The following SEC23A variants were observed in gnomAD, a reference collection of about 807,000 sequenced individuals.
SEC23A encodes protein transport protein Sec23A.
SEC23A carries 56 observed loss-of-function variants against 103.7 expected under a neutral mutation model. The ratio of observed to expected loss-of-function variants is 0.54; its 90% CI spans 0.44 to 0.67. The LOEUF (loss-of-function observed/expected upper bound fraction) is 0.67, where lower values mean the gene tolerates loss of function less well. SEC23A is among the 30% of genes least tolerant of loss of function. The pLI is 0.00. For missense variants in SEC23A, 784 were observed against 936.4 expected (o/e 0.84, Z 2.12); for synonymous variants, 281 against 293.0 (o/e 0.96, Z 0.42).
At chr14:39,057,980 TA>T (rs1451202666) in intron 13 of SEC23A, among the ~76,000 whole-genome samples, 3 of 152,212 alleles carry the variant, frequency 2.0e-5, no homozygotes, top group Non-Finnish European at 4.4e-5. Flanking sequence ...AGTTAATAAG[TA>T]AAAACTTCAG....
chr14:39,051,703 C>T (rs527966050), intron 14 of SEC23A, among the ~76,000 whole-genome samples: 5 of 152,234 alleles, frequency 3.3e-5, no homozygotes, highest in African/African-American at 1.2e-4. Flanking sequence ...GTGGTTCATA[C>T]CTGTAATCCC....
In SEC23A at chr14:39,033,253, A is replaced by G; in HGVS notation, c.2284T>C (p.Ser762Pro). The G allele has an allele frequency of 6.2e-7, 1 of 1,610,794 alleles. No homozygotes were observed. The highest frequency in any genetic ancestry group is 1.3e-5 in the African/African-American group (1 of 75,000). ...TTATTAGCACTTCAAGCAGCACTGG[A>G]CACAGCAAGTTTCTTCAAGTGATCC... ...FMDHLKKLAV[S>P]SAA Residue 762 changes from serine to proline, a missense_variant, in exon 20 of 20, where the codon TCC becomes CCC. Around this residue, in one of 2 missense-constraint regions of SEC23A, gnomAD observed 101 missense variants for 162.2 expected, o/e 0.62. Coordinates refer to ENST00000307712, the MANE Select transcript of SEC23A (RefSeq NM_006364.4).
chr14:39,066,834 G>A (rs1886683604), intron 10 of SEC23A, among the ~76,000 whole-genome samples: 1 of 152,110 alleles, frequency 6.6e-6, no homozygotes, highest in Non-Finnish European at 1.5e-5. Flanking sequence ...CTGCACTCTA[G>A]CCTGGGCGAC....
chr14:39,034,416 T>G (rs1035150134), intron 19 of SEC23A, among the ~76,000 whole-genome samples: 2 of 152,244 alleles, frequency 1.3e-5, no homozygotes, highest in African/African-American at 4.8e-5. Flanking sequence ...ATGTTTTAGC[T>G]ATTTCTATTG....
chr14:39,037,345 GT>G (rs1462755810), intron 19 of SEC23A, among the ~76,000 whole-genome samples: 2 of 151,828 alleles, frequency 1.3e-5, no homozygotes, highest in Non-Finnish European at 2.9e-5. Context: ...ATTGACATAT[GT>G]TTTCCTAGTC....
intron 16 of SEC23A, among the ~76,000 whole-genome samples, chr14:39,044,223 T>C (rs1245880422): frequency 6.6e-6 from 1 of 152,112 alleles, no homozygotes; most frequent in Non-Finnish European, 1.5e-5. Context: ...CTAGGGACAG[T>C]GGGATTCCAA....
rs1193530363 is a variant in SEC23A at position 39,085,845 on chromosome 14, G to C, written c.745C>G (p.Arg249Gly). 3 of 1,613,722 alleles carry C rather than the reference G, an allele frequency of 1.9e-6. No individual in the cohort carries two copies. Among genetic ancestry groups the C allele is most frequent in the Non-Finnish European group, 2.5e-6 (3 of 1,179,712 alleles). The part of the protein sequence containing the change: ...NLTDLLGELQ[R>G]DPWPVPQGKR... Reference sequence around the variant, plus strand: ...CCCTGTGGTACAGGCCAAGGGTCTCGCTGGAGTTCTCCCAGAAGATCTGTG... The same window carrying C: ...CCCTGTGGTACAGGCCAAGGGTCTCCCTGGAGTTCTCCCAGAAGATCTGTG... The change falls in exon 7 of 20, where the codon CGA becomes GGA. Residue 249 changes from arginine (R) to glycine (G), a missense_variant. Coordinates refer to ENST00000307712, the MANE Select transcript of SEC23A (RefSeq NM_006364.4).
intron 9 of SEC23A, among the ~76,000 whole-genome samples, chr14:39,068,594 T>C (rs1346893398): frequency 6.6e-6 from 1 of 152,112 alleles, no homozygotes; most frequent in Non-Finnish European, 1.5e-5. Flanking sequence ...TGAAAAAATA[T>C]TACATCCACA....
chr14:39,099,458 A>G (rs889129333), intron 1 of SEC23A, among the ~76,000 whole-genome samples: 2 of 152,082 alleles, frequency 1.3e-5, no homozygotes, highest in East Asian at 3.8e-4. Flanking sequence ...GCTCCCCGCC[A>G]TTAAATTGTT....
chr14:39,069,948 A>G (rs1036589405), intron 9 of SEC23A, among the ~76,000 whole-genome samples: 1 of 152,176 alleles, frequency 6.6e-6, no homozygotes, highest in Non-Finnish European at 1.5e-5. Context: ...TTTCTTCCCA[A>G]TGCTATCACC....
At position 39,032,977 on chromosome 14, in the gene SEC23A, A is replaced by C. The variant is rs1885348828; in HGVS notation, c.*262T>G. ...ACGAGGCAGACTCTATTTTTTATTA[A>C]ACATAATTAAGTTATAAAGACTTCA... On this transcript the variant is annotated 3_prime_UTR_variant, in exon 20 of 20. Coordinates refer to ENST00000307712, the MANE Select transcript of SEC23A (RefSeq NM_006364.4). 1.0e-5 allele frequency: 4 copies of C among 400,722 alleles called. No individual in the cohort carries two copies. Among genetic ancestry groups the C allele is most frequent in the Non-Finnish European group, 1.4e-5 (3 of 219,466 alleles). The allele number at this position is 400,722 out of a possible 1,614,324, so 24.8% of individuals were successfully genotyped here. A position where few individuals can be genotyped will look rare whatever the true frequency, so the allele number is the denominator to read the frequency against.
chr14:39,076,672 T>C (rs1430474430), intron 7 of SEC23A, among the ~76,000 whole-genome samples: 1 of 151,912 alleles, frequency 6.6e-6, no homozygotes, highest in Non-Finnish European at 1.5e-5. Context: ...GCACTTGTAA[T>C]CCCAGCACTT....
rs762979945 is a variant in SEC23A, at chr14:39,045,176, C to A, written c.1886G>T (p.Ser629Ile). ...TGTCCCTCTTACCTCTGGTGGTCCA[C>A]TAAAAGAATACGCATACAGGATAGG... ...IQPILYAYSF[S>I]GPPEPVLLDS... Residue 629 changes from serine (S) to isoleucine (I), a missense_variant, in exon 16 of 20, where the codon AGT (serine) becomes ATT (isoleucine). Transcript: ENST00000307712. 1 of 1,613,302 alleles carries A rather than the reference C, an allele frequency of 6.2e-7. No homozygotes were observed. The highest frequency in any genetic ancestry group is 8.5e-7 in the Non-Finnish European group (1 of 1,179,746).
intron 9 of SEC23A, among the ~76,000 whole-genome samples, chr14:39,073,735 G>A (rs1015403148): frequency 1.4e-5 from 2 of 144,670 alleles, no homozygotes; most frequent in African/African-American, 2.6e-5. Flanking sequence ...TCAGCCTACC[G>A]AGTAGCTGGG....
chr14:39,043,100 C>T (rs1885704975), intron 16 of SEC23A, among the ~76,000 whole-genome samples: 1 of 152,058 alleles, frequency 6.6e-6, no homozygotes, highest in African/African-American at 2.4e-5. Context: ...ACTCAGACCC[C>T]CAAGTAGCTG....
chr14:39,079,003 C>T (rs1213778716), intron 7 of SEC23A, among the ~76,000 whole-genome samples: 1 of 151,660 alleles, frequency 6.6e-6, no homozygotes, highest in Admixed American at 6.6e-5. Flanking sequence ...TTCAGAACTC[C>T]AAAATTAAAG....
intron 16 of SEC23A, among the ~76,000 whole-genome samples, chr14:39,044,611 T>C (rs982620569): frequency 2.0e-5 from 3 of 152,186 alleles, no homozygotes; most frequent in African/African-American, 7.2e-5. Context: ...GGAAAAATGG[T>C]TCATTTGATA....
At chr14:39,093,536 G>A (rs1272885775) in intron 2 of SEC23A, among the ~76,000 whole-genome samples, 1 of 152,202 alleles carries the variant, frequency 6.6e-6, no homozygotes, top group African/African-American at 2.4e-5. Flanking sequence ...TGAGGCGGCA[G>A]ATGGCTTGAG....
chr14:39,041,868 C>CA lies in SEC23A; in HGVS notation c.1986+917dup, dbSNP rs773512856. Among the ~76,000 whole-genome samples, 703 of 88,614 alleles carry CA rather than the reference C, an allele frequency of 7.9e-3. 10 individuals are homozygous for CA. Among genetic ancestry groups the CA allele is most frequent in the African/African-American group, 0.024 (494 of 20,738 alleles). 58.1% of individuals were successfully genotyped at this position (88,614 alleles called of 152,430 possible). A position where few individuals can be genotyped will look rare whatever the true frequency, so the allele number is the denominator to read the frequency against. On this transcript the variant is annotated intron_variant, in intron 17 of 19. Transcript: ENST00000307712. ...TGGGTGAAAGAGCAAGACTGAGTCT[C>CA]AAAAAAAAAAAAAAAAAAGTCCTGG...
Sources: allele counts gnomAD v4.1 joint callset (sites outside exome capture counted in the v4.1 genomes callset), GRCh38; gene constraint gnomAD v4.1.1; regional missense constraint gnomAD v4.1.1; transcripts MANE v1.5; gene names NCBI Gene and HGNC (gene_info 2026-07-23, HGNC 2026-07-21).